Variants in TNKS observed in about 807,000 individuals in gnomAD.
TNKS encodes the protein poly [ADP-ribose] polymerase tankyrase-1.
In TNKS, 72 loss-of-function variants were observed where a neutral mutation model predicts 135.8. The ratio of observed to expected loss-of-function variants is 0.53; its 90% CI spans 0.44 to 0.64. The LOEUF (loss-of-function observed/expected upper bound fraction) is 0.64, where lower values mean the gene tolerates loss of function less well. Ranked by LOEUF, TNKS falls within the 30% of genes least tolerant of loss-of-function variation. TNKS has a pLI of 0.00. For synonymous variants in TNKS, 849 were observed against 649.3 expected, an observed-to-expected ratio of 1.31 and a Z score of -4.68; for missense variants, 1,769 against 1,674.0, an observed-to-expected ratio of 1.06 and a Z score of -0.99.
intron 2 of TNKS, among the ~76,000 whole-genome samples, chr8:9,584,125 C>G (rs762645361): frequency 9.8e-5 from 14 of 143,494 alleles, no homozygotes; most frequent in Non-Finnish European, 1.8e-4. Context: ...GATTACACCA[C>G]TGCACTCCAG....
intron 26 of TNKS, among the ~76,000 whole-genome samples, chr8:9,771,591 G>GAGGAAAGAAAGAAGGGAGGAAGAGAGGA (rs1407028033): frequency 7.7e-6 from 1 of 129,424 alleles, no homozygotes; most frequent in African/African-American, 3.0e-5. Flanking sequence ...GAGAAAGGGA[G>GAGGAAAGAAAGAAGGGAGGAAGAGAGGA]AGGAAAGAAA....
intron 17 of TNKS, chr8:9,740,826 G>GTTTTTTTTTTTTTTTTTTTTTTTTTTT (rs66865048): frequency 9.7e-6 from 1 of 103,566 alleles, no homozygotes; most frequent in African/African-American, 3.6e-5. Context: ...AATTCTTGTT[G>GTTTTTTTTTTTTTTTTTTTTTTTTTTT]TTTTTTTTTT....
chr8:9,651,444 C>A (rs1005788304), intron 3 of TNKS, among the ~76,000 whole-genome samples: 1 of 152,134 alleles, frequency 6.6e-6, no homozygotes. Flanking sequence ...AAATTTATTT[C>A]GCTTGTTGCC....
At chr8:9,763,837 G>C (rs1256360867) in intron 22 of TNKS, among the ~76,000 whole-genome samples, 1 of 152,098 alleles carries the variant, frequency 6.6e-6, no homozygotes, top group Non-Finnish European at 1.5e-5. Flanking sequence ...TTATAAGTAA[G>C]CTACCCAATT....
chr8:9,662,916 A>G (rs573958938), intron 3 of TNKS, among the ~76,000 whole-genome samples: 9 of 152,300 alleles, frequency 5.9e-5, no homozygotes, highest in African/African-American at 1.9e-4. Flanking sequence ...ACCTGTAACT[A>G]TGTTACCTTA....
intron 17 of TNKS, among the ~76,000 whole-genome samples, chr8:9,739,039 A>C (rs1404478741): frequency 2.0e-5 from 3 of 151,388 alleles, no homozygotes; most frequent in Admixed American, 6.6e-5. Context: ...GCAACAAAAG[A>C]CAAAATTGAC....
intron 11 of TNKS, among the ~76,000 whole-genome samples, chr8:9,715,498 A>T (rs1804560379): frequency 6.6e-6 from 1 of 151,466 alleles, no homozygotes; most frequent in South Asian, 2.1e-4. Context: ...ATCTAATGTT[A>T]CTCTTCATTG....
chr8:9,564,814 C>G (rs1050267437), intron 1 of TNKS, among the ~76,000 whole-genome samples: 3 of 152,204 alleles, frequency 2.0e-5, no homozygotes, highest in African/African-American at 7.2e-5. Context: ...GGGTTGGAGT[C>G]TGAGGGCTAG....
chr8:9,628,382 T>A (rs1466638693), intron 3 of TNKS, among the ~76,000 whole-genome samples: 1 of 152,168 alleles, frequency 6.6e-6, no homozygotes, highest in East Asian at 1.9e-4. Flanking sequence ...CTCCCTGAGT[T>A]TTTTAAGAAA....
intron 1 of TNKS, among the ~76,000 whole-genome samples, chr8:9,576,258 C>G (rs998745054): frequency 6.6e-6 from 1 of 152,070 alleles, no homozygotes; most frequent in Non-Finnish European, 1.5e-5. Context: ...GTGTATTAGT[C>G]CATTCTCACA....
At position 9,781,957 on chromosome 8, in the gene TNKS, C is replaced by T. The variant is rs1236386993; in HGVS notation, c.*5221C>T. The T allele has an allele frequency of 2.6e-5, 4 of 152,458 alleles. No individual in the cohort carries two copies. Among genetic ancestry groups the T allele is most frequent in the African/African-American group, 4.8e-5 (2 of 41,438 alleles). 9.4% of individuals were successfully genotyped at this position (152,458 alleles called of 1,614,324 possible). A position where few individuals can be genotyped will look rare whatever the true frequency, so the allele number is the denominator to read the frequency against. On this transcript the variant is annotated 3_prime_UTR_variant, in exon 27 of 27. Coordinates refer to ENST00000310430, the MANE Select transcript of TNKS (RefSeq NM_003747.3). ...TTTGAATTTCAGAGAAACAATTTCA[C>T]GTTAAGAATGTTTCATGCAATATTT...
intron 25 of TNKS, among the ~76,000 whole-genome samples, chr8:9,769,238 T>C (rs964200786): frequency 6.6e-5 from 10 of 152,212 alleles, no homozygotes; most frequent in African/African-American, 2.4e-4. Flanking sequence ...CAAAACCAGA[T>C]TGCAGGCTGG....
intron 5 of TNKS, chr8:9,681,101 A>G: frequency 9.0e-6 from 2 of 221,490 alleles, no homozygotes; most frequent in Non-Finnish European, 1.8e-5. Flanking sequence ...TGGGTATGAT[A>G]ATGGAAACTG....
chr8:9,707,953 G>T (rs1804129225), intron 8 of TNKS, among the ~76,000 whole-genome samples: 1 of 152,160 alleles, frequency 6.6e-6, no homozygotes, highest in Non-Finnish European at 1.5e-5. Flanking sequence ...GCATCAGCCT[G>T]TCCTTTCTTT....
At chr8:9,670,536 T>C (rs1802227515) in intron 3 of TNKS, among the ~76,000 whole-genome samples, 1 of 152,204 alleles carries the variant, frequency 6.6e-6, no homozygotes, top group African/African-American at 2.4e-5. Flanking sequence ...AGTATCAACA[T>C]TTCTACCTAA....
chr8:9,678,814 C>G (rs1330111061), intron 3 of TNKS, among the ~76,000 whole-genome samples: 1 of 152,094 alleles, frequency 6.6e-6, no homozygotes, highest in Non-Finnish European at 1.5e-5. Context: ...AATAGAATAA[C>G]ATTTTCATTT....
intron 1 of TNKS, chr8:9,558,885 T>G (rs1797200357): frequency 6.6e-6 from 1 of 152,188 alleles, no homozygotes; most frequent in South Asian, 2.1e-4. Flanking sequence ...ACATTAAAGT[T>G]TTATTAAACT....
intron 26 of TNKS, chr8:9,772,497 A>C (rs1807971000): frequency 2.2e-6 from 1 of 446,744 alleles, no homozygotes; most frequent in African/African-American, 2.0e-5. Flanking sequence ...AAATGTTAAT[A>C]TTATAAAAGA....
At chr8:9,676,640 A>G (rs1802548538) in intron 3 of TNKS, among the ~76,000 whole-genome samples, 1 of 151,988 alleles carries the variant, frequency 6.6e-6, no homozygotes, top group Non-Finnish European at 1.5e-5. Context: ...TTTTAATAAC[A>G]TAGCTCTTTA....
Sources: allele counts gnomAD v4.1 joint callset (sites outside exome capture counted in the v4.1 genomes callset), GRCh38; gene constraint gnomAD v4.1.1; transcripts MANE v1.5; gene names NCBI Gene and HGNC (gene_info 2026-07-23, HGNC 2026-07-21).